The following TTC12 variants were observed in gnomAD, a reference collection of about 807,000 sequenced individuals.
TTC12 encodes the protein tetratricopeptide repeat domain 12.
A neutral mutation model predicts 90.1 loss-of-function variants in TTC12; 70 were observed. The ratio of observed to expected loss-of-function variants is 0.78; its 90% CI spans 0.64 to 0.95. The LOEUF (loss-of-function observed/expected upper bound fraction) is 0.95. Among genes scored for constraint, TTC12 ranks in the 40% least tolerant of loss-of-function variants. The pLI is 0.00. For synonymous variants in TTC12, 296 were observed against 311.5 expected, an observed-to-expected ratio of 0.95 and a Z score of 0.53; for missense variants, 819 against 846.1, an observed-to-expected ratio of 0.97 and a Z score of 0.40.
chr11:113,345,222 T>C (rs528778759), intron 13 of TTC12, among the ~76,000 whole-genome samples: 1 of 152,388 alleles, frequency 6.6e-6, no homozygotes, highest in Non-Finnish European at 1.5e-5. Flanking sequence ...TGTAGCTTGC[T>C]TTATAAATGT....
At chr11:113,341,547 C>T in intron 11 of TTC12, 1 of 425,292 alleles carries the variant, frequency 2.4e-6, no homozygotes, top group Non-Finnish European at 4.3e-6. Context: ...GTTGGAGTCA[C>T]CAGTACATGT....
chr11:113,342,780 TA>T (rs1948752379), intron 12 of TTC12, among the ~76,000 whole-genome samples: 1 of 152,148 alleles, frequency 6.6e-6, no homozygotes, highest in Admixed American at 6.5e-5. Flanking sequence ...TAAGGGGAGT[TA>T]TGCCCAGACT....
chr11:113,323,526 A>C, intron 3 of TTC12, 75 bp downstream of exon 3: 171 of 1,013,632 alleles, frequency 1.7e-4, no homozygotes, highest in Middle Eastern at 4.9e-4. Context: ...GTTTAATCTC[A>C]AACTGTCCAG....
chr11:113,330,582 T>C (rs1947997430), intron 7 of TTC12, among the ~76,000 whole-genome samples: 1 of 152,198 alleles, frequency 6.6e-6, no homozygotes, highest in Admixed American at 6.5e-5. Flanking sequence ...ATACGATCAC[T>C]TTTTAGGGAC....
At chr11:113,315,977 G>A (rs945516563) in intron 1 of TTC12, 3 of 283,126 alleles carry the variant, frequency 1.1e-5, no homozygotes, top group Non-Finnish European at 2.0e-5. Context: ...GGTTGATGTT[G>A]GCTTTGGAAG....
chr11:113,369,769 A>T (rs1591238046), downstream of TTC12, among the ~76,000 whole-genome samples: 1 of 152,172 alleles, frequency 6.6e-6, no homozygotes, highest in Admixed American at 6.5e-5. Context: ...TGGTTTGGAT[A>T]TAATATACAT....
At chr11:113,334,820 A>G in intron 7 of TTC12, 146 bp from the exon 8 acceptor site, 2 of 598,776 alleles carry the variant, frequency 3.3e-6, no homozygotes, top group South Asian at 4.7e-5. Flanking sequence ...TAGTTTGGTC[A>G]CAAATGCATA....
Position 113,350,152 on chromosome 11 carries a change from G to A in TTC12, c.1234G>A (p.Ala412Thr), listed in dbSNP as rs781933016. The A allele has an allele frequency of 1.7e-5, 27 of 1,611,578 alleles. No homozygotes were observed. Among genetic ancestry groups the A allele is most frequent in the South Asian group, 3.3e-5 (3 of 90,794 alleles). Residue 412 changes from alanine (A) to threonine (T), a missense_variant, in exon 14 of 22, where the codon GCT (alanine) becomes ACT (threonine). Ala to Thr is a moderately conservative substitution (Grantham distance 58). Transcript: ENST00000529221. Reference protein sequence around the residue: ...NTAMGLFTDLALEERFQVWFQ... With the variant: ...NTAMGLFTDLTLEERFQVWFQ... ...TGCTATGGGACTGTTCACAGACTTG[G>A]CTCTGGAAGAAAGGTAATTTTTTTA...
At chr11:113,329,214 A>G (rs1322621700) in intron 6 of TTC12, among the ~76,000 whole-genome samples, 2 of 152,240 alleles carry the variant, frequency 1.3e-5, no homozygotes, top group African/African-American at 4.8e-5. Flanking sequence ...GCTATCTTCC[A>G]GATGGGCTGT....
At position 113,315,434 on chromosome 11, in the gene TTC12, G is replaced by A. The variant is rs554225921; in HGVS notation, c.-15-809G>A. On this transcript the variant is annotated intron_variant, in intron 1 of 21. Coordinates refer to ENST00000529221, the MANE Select transcript of TTC12 (RefSeq NM_017868.4). ...TCGTGGCAGATTACGTGTTAGAAGCGTGTTACACTACTATGAAACCTGGCC... is the reference window on the plus strand; with the variant it reads ...TCGTGGCAGATTACGTGTTAGAAGCATGTTACACTACTATGAAACCTGGCC... Among the ~76,000 whole-genome samples the A allele has an allele frequency of 1.6e-4, 24 of 152,244 alleles. No individual in the cohort carries two copies. In the South Asian group the frequency reaches 4.6e-3, roughly 29 times the overall value.
intron 6 of TTC12, among the ~76,000 whole-genome samples, chr11:113,328,556 AT>A (rs148925136): frequency 1.4e-5 from 2 of 148,022 alleles, no homozygotes; most frequent in African/African-American, 2.5e-5. Flanking sequence ...TACTTCTTTC[AT>A]TTTTTTTTTC....
At chr11:113,325,201 AAATT>A (rs1355680494) in intron 5 of TTC12, among the ~76,000 whole-genome samples, 1 of 152,118 alleles carries the variant, frequency 6.6e-6, no homozygotes, top group African/African-American at 2.4e-5. Context: ...TTTGTTGGGA[AAATT>A]AATTATTTGA....
chr11:113,339,157 T>G, intron 9 of TTC12, 129 bp from the exon 10 acceptor site: 1 of 766,050 alleles, frequency 1.3e-6, no homozygotes, highest in South Asian at 2.0e-5. Context: ...AACGAAGAGT[T>G]TTAATTATTT....
intron 14 of TTC12, among the ~76,000 whole-genome samples, chr11:113,350,516 A>G (rs1003522777): frequency 6.6e-6 from 1 of 152,130 alleles, no homozygotes; most frequent in Non-Finnish European, 1.5e-5. Context: ...AATGAACCTG[A>G]GCGAGCCAGC....
intron 3 of TTC12, 61 bp downstream of exon 3, chr11:113,323,512 A>G: frequency 8.3e-7 from 1 of 1,205,352 alleles, no homozygotes. Flanking sequence ...ACACCTAGGC[A>G]GTAGTTTAAT....
intron 2 of TTC12, among the ~76,000 whole-genome samples, chr11:113,321,409 C>T (rs1947329237): frequency 6.6e-6 from 1 of 152,034 alleles, no homozygotes; most frequent in South Asian, 2.1e-4. Flanking sequence ...ACTGAAAAAC[C>T]ACCTGGCTAT....
chr11:113,358,649 A>G (rs557345749), intron 16 of TTC12, among the ~76,000 whole-genome samples: 15 of 152,284 alleles, frequency 9.9e-5, no homozygotes, highest in African/African-American at 3.6e-4. Context: ...GTCCCTGGCC[A>G]TTCTCCACTA....
At chr11:113,372,934 A>G (rs556686486) in intron 21 of TTC12, among the ~76,000 whole-genome samples, 4 of 152,266 alleles carry the variant, frequency 2.6e-5, no homozygotes, top group African/African-American at 7.2e-5. Flanking sequence ...CAGCTTCCCA[A>G]TGGGTGTCTG....
At chr11:113,339,726 A>C (rs1948580157) in intron 10 of TTC12, among the ~76,000 whole-genome samples, 1 of 152,220 alleles carries the variant, frequency 6.6e-6, no homozygotes, top group Admixed American at 6.5e-5. Context: ...CACGTGGCAC[A>C]CACTCGATAT....
Sources: allele counts gnomAD v4.1 joint callset (sites outside exome capture counted in the v4.1 genomes callset), GRCh38; gene constraint gnomAD v4.1.1; transcripts MANE v1.5; gene names NCBI Gene and HGNC (gene_info 2026-07-23, HGNC 2026-07-21).